The following TSHZ2 variants were observed in gnomAD, a reference collection of about 807,000 sequenced individuals.
TSHZ2 encodes the protein teashirt homolog 2.
In TSHZ2, 21 loss-of-function variants were observed where a neutral mutation model predicts 74.4. The observed-to-expected ratio is 0.28, with a 90% CI of 0.20 to 0.41. The LOEUF is 0.41. Among genes scored for constraint, TSHZ2 ranks in the 10% least tolerant of loss-of-function variants. The pLI is 1.00. For synonymous variants in TSHZ2, 540 were observed against 515.3 expected (o/e 1.05, Z -0.65); for missense variants, 1,244 against 1,293.5 (o/e 0.96, Z 0.59).
chr20:53,336,171 GT>G (rs1386038029), intron 2 of TSHZ2, among the ~76,000 whole-genome samples: 1 of 152,172 alleles, frequency 6.6e-6, no homozygotes, highest in African/African-American at 2.4e-5. Flanking sequence ...GGTTGAGCCT[GT>G]GACCACTTTG....
chr20:53,454,275 C>T (rs1984953636), intron 2 of TSHZ2, among the ~76,000 whole-genome samples: 1 of 152,092 alleles, frequency 6.6e-6, no homozygotes, highest in South Asian at 2.1e-4. Flanking sequence ...TTTAAAATGT[C>T]TTTAAAGGCC....
Position 53,491,432 on chromosome 20 carries a change from AT to A in TSHZ2, c.*4298del, listed in dbSNP as rs1568940692. 1 of 152,206 alleles carries A rather than the reference AT, an allele frequency of 6.6e-6. No individual in the cohort carries two copies. The allele number at this position is 152,206 out of a possible 1,614,324, so 9.4% of individuals were successfully genotyped here. ...TTTCCATCCCCCCAGACAGAGAGAC[AT>A]ATTTCCATTGTAGGAAGGCATTAAA... On this transcript the variant is annotated 3_prime_UTR_variant, in exon 3 of 3. Coordinates refer to ENST00000371497, the MANE Select transcript of TSHZ2 (RefSeq NM_173485.6).
chr20:53,242,261 A>G (rs1990087675), intron 1 of TSHZ2, among the ~76,000 whole-genome samples: 1 of 152,092 alleles, frequency 6.6e-6, no homozygotes, highest in Non-Finnish European at 1.5e-5. Context: ...CTCTAGGTAT[A>G]GCAACCAAAA....
chr20:53,039,806 A>G (rs1281868569), intron 1 of TSHZ2, among the ~76,000 whole-genome samples: 1 of 150,362 alleles, frequency 6.7e-6, no homozygotes, highest in East Asian at 2.0e-4. Context: ...ACACACACAC[A>G]CACACACACC....
At chr20:53,323,035 AG>A (rs1222303107) in intron 2 of TSHZ2, among the ~76,000 whole-genome samples, 1 of 152,230 alleles carries the variant, frequency 6.6e-6, no homozygotes, top group African/African-American at 2.4e-5. Context: ...CTGAGATGCC[AG>A]ACTTTTCTGT....
intron 1 of TSHZ2, among the ~76,000 whole-genome samples, chr20:53,011,609 A>T (rs1358317727): frequency 6.6e-6 from 1 of 152,210 alleles, no homozygotes; most frequent in Non-Finnish European, 1.5e-5. Context: ...AAGAGCACAC[A>T]GGAGTATGTG....
chr20:53,083,556 A>C (rs1029463069), intron 1 of TSHZ2, among the ~76,000 whole-genome samples: 1 of 152,248 alleles, frequency 6.6e-6, no homozygotes, highest in East Asian at 1.9e-4. Context: ...TAAAAAGAAC[A>C]AACAGTTTTC....
chr20:53,025,217 T>C (rs1349005405), intron 1 of TSHZ2, among the ~76,000 whole-genome samples: 3 of 151,916 alleles, frequency 2.0e-5, no homozygotes, highest in Admixed American at 6.6e-5. Context: ...TATTTGCTCA[T>C]AGTATTTAAA....
At chr20:53,344,191 C>A (rs1024601040) in intron 2 of TSHZ2, among the ~76,000 whole-genome samples, 7 of 111,802 alleles carry the variant, frequency 6.3e-5, no homozygotes, top group Admixed American at 8.9e-5. Flanking sequence ...AAAATTCTTA[C>A]TACCATCACC....
rs752419291 is a variant in TSHZ2 at position 53,253,475 on chromosome 20, T to A, written c.41-24T>A. The stretch of plus-strand genomic sequence containing the variant: ...GAATATGGAGCCTGTTACTGTCGTT[T>A]CATCTCTTCTTCTTCTCTTGCAGGC... On this transcript the variant is annotated intron_variant, in intron 1 of 2. Transcript: ENST00000371497. 3.8e-6 allele frequency: 6 copies of A among 1,569,408 alleles called. No homozygotes were observed. The Admixed American group carries it at 9.2e-5, about 24-fold the overall frequency.
chr20:53,058,318 A>C (rs1021356893), intron 1 of TSHZ2, among the ~76,000 whole-genome samples: 1 of 152,232 alleles, frequency 6.6e-6, no homozygotes, highest in African/African-American at 2.4e-5. Context: ...GGAAGGATCC[A>C]ACTTGAATTC....
At chr20:53,338,057 G>T (rs566132545) in intron 2 of TSHZ2, among the ~76,000 whole-genome samples, 4 of 152,202 alleles carry the variant, frequency 2.6e-5, no homozygotes, top group African/African-American at 9.6e-5. Context: ...CTCCTCACCT[G>T]CAGAGCAGGG....
intron 1 of TSHZ2, among the ~76,000 whole-genome samples, chr20:53,024,837 T>G (rs1165599444): frequency 6.6e-6 from 1 of 152,204 alleles, no homozygotes; most frequent in Non-Finnish European, 1.5e-5. Flanking sequence ...CATCCTTTTG[T>G]ATGGTTGCAT....
intron 1 of TSHZ2, 30 bp downstream of exon 1, chr20:52,973,363 C>T: frequency 6.5e-7 from 1 of 1,549,764 alleles, no homozygotes; most frequent in Non-Finnish European, 8.7e-7. Context: ...TTCGGGGCTG[C>T]CCTGTGCGCC....
chr20:53,409,349 G>A (rs916395834), intron 2 of TSHZ2, among the ~76,000 whole-genome samples: 11 of 151,808 alleles, frequency 7.2e-5, no homozygotes, highest in African/African-American at 7.3e-5. Flanking sequence ...ATGTTGTGGC[G>A]CCTACTTAAG....
intron 1 of TSHZ2, among the ~76,000 whole-genome samples, chr20:53,003,329 T>G (rs970245887): frequency 2.0e-5 from 3 of 150,560 alleles, no homozygotes; most frequent in Admixed American, 6.6e-5. Context: ...TCAGTGCACC[T>G]TCCTCGCAAG....
chr20:53,112,539 T>C (rs1986562770), intron 1 of TSHZ2, among the ~76,000 whole-genome samples: 1 of 152,192 alleles, frequency 6.6e-6, no homozygotes, highest in African/African-American at 2.4e-5. Context: ...GGTTTTTTGT[T>C]TGTTTTTGAG....
intron 1 of TSHZ2, among the ~76,000 whole-genome samples, chr20:53,027,145 C>T (rs1158146276): frequency 1.3e-5 from 2 of 152,004 alleles, no homozygotes; most frequent in African/African-American, 2.4e-5. Context: ...TATTTGAATA[C>T]ATCTATGATT....
chr20:53,029,142 A>G (rs2123056661), intron 1 of TSHZ2, among the ~76,000 whole-genome samples: 1 of 152,296 alleles, frequency 6.6e-6, no homozygotes, highest in South Asian at 2.1e-4. Context: ...AGGTTTCTTG[A>G]GTGAGACCCC....
Sources: gnomAD v4.1 joint callset for allele counts (sites outside exome capture counted in the v4.1 genomes callset) on GRCh38, gnomAD v4.1.1 for gene constraint, MANE v1.5 for transcripts, NCBI Gene and HGNC (gene_info 2026-07-23, HGNC 2026-07-21) for gene names.